Variants in CAP2 observed in about 807,000 individuals in gnomAD.
CAP2 encodes the protein adenylyl cyclase-associated protein 2.
In CAP2, 24 loss-of-function variants were observed where a neutral mutation model predicts 57.7. The ratio of observed to expected loss-of-function variants is 0.42; its 90% CI spans 0.30 to 0.58. CAP2 has a LOEUF of 0.58. Ranked by LOEUF, CAP2 falls within the 20% of genes least tolerant of loss-of-function variation. The pLI is 0.22. For missense variants in CAP2, 501 were observed against 590.3 expected, an observed-to-expected ratio of 0.85 and a Z score of 1.57; for synonymous variants, 194 against 207.2, an observed-to-expected ratio of 0.94 and a Z score of 0.55.
intron 3 of CAP2, among the ~76,000 whole-genome samples, chr6:17,427,342 G>A (rs565339476): frequency 2.0e-5 from 3 of 152,142 alleles, no homozygotes; most frequent in East Asian, 1.9e-4. Context: ...GAAGCCACCC[G>A]GGGTCACCGG....
At chr6:17,503,901 A>G (rs1325129113) in intron 4 of CAP2, among the ~76,000 whole-genome samples, 3 of 152,162 alleles carry the variant, frequency 2.0e-5, no homozygotes, top group African/African-American at 7.2e-5. Flanking sequence ...GGAGACAGGA[A>G]GATATTCATG....
At chr6:17,479,656 GGC>G (rs1229726399) in intron 4 of CAP2, among the ~76,000 whole-genome samples, 136 of 144,334 alleles carry the variant, frequency 9.4e-4, no homozygotes, top group African/African-American at 3.3e-3. Context: ...TTGTCGCCCA[GGC>G]TAGAGTGCAG....
intron 1 of CAP2, among the ~76,000 whole-genome samples, chr6:17,414,285 TAAAAA>T (rs34676962): frequency 2.0e-5 from 3 of 151,324 alleles, no homozygotes; most frequent in African/African-American, 7.3e-5. Flanking sequence ...TATTTCTTCT[TAAAAA>T]AAACACTTTA....
chr6:17,531,286 T>C (rs942986593), intron 7 of CAP2: 3 of 889,270 alleles, frequency 3.4e-6, no homozygotes, highest in Non-Finnish European at 5.6e-6. Flanking sequence ...AAGGTTCTGT[T>C]GAAGATTTGA....
chr6:17,529,533 C>T (rs1443734943), intron 7 of CAP2, among the ~76,000 whole-genome samples: 1 of 151,458 alleles, frequency 6.6e-6, no homozygotes, highest in Non-Finnish European at 1.5e-5. Context: ...CCCAGCTACT[C>T]AGGAGGCTGA....
chr6:17,401,443 A>T (rs1044666201), intron 1 of CAP2, among the ~76,000 whole-genome samples: 15 of 152,242 alleles, frequency 9.9e-5, no homozygotes, highest in African/African-American at 3.6e-4. Context: ...TAACCTGTGT[A>T]TTACCCAAAC....
At chr6:17,483,500 A>G (rs569603798) in intron 4 of CAP2, among the ~76,000 whole-genome samples, 1 of 151,510 alleles carries the variant, frequency 6.6e-6, no homozygotes, top group East Asian at 1.9e-4. Context: ...GATTAGACCA[A>G]CTCCTCAGGG....
At chr6:17,500,138 A>G (rs1761768317) in intron 4 of CAP2, among the ~76,000 whole-genome samples, 1 of 150,362 alleles carries the variant, frequency 6.7e-6, no homozygotes, top group Non-Finnish European at 1.5e-5. Context: ...AATCTCCAAA[A>G]TGTTCCTGGA....
At chr6:17,404,449 C>CA (rs903355999) in intron 1 of CAP2, among the ~76,000 whole-genome samples, 17 of 151,902 alleles carry the variant, frequency 1.1e-4, no homozygotes, top group African/African-American at 3.9e-4. Flanking sequence ...ACTGAAAATA[C>CA]AAAAAAATAG....
At chr6:17,443,864 T>C (rs7754192) in intron 3 of CAP2, among the ~76,000 whole-genome samples, 94,919 of 151,966 alleles carry the variant, frequency 0.62, 30,639 homozygotes, top group East Asian at 0.83. Context: ...AGATTTTACA[T>C]ACACACACAT....
chr6:17,427,101 T>C (rs1314600356), intron 3 of CAP2, among the ~76,000 whole-genome samples: 1 of 152,062 alleles, frequency 6.6e-6, no homozygotes, highest in East Asian at 1.9e-4. Flanking sequence ...GTATCTGAGG[T>C]GACACTGAGC....
intron 3 of CAP2, among the ~76,000 whole-genome samples, chr6:17,436,086 T>TTCCTTCCTTCCTTCCTTCCTTCCTTCC (rs1759876688): frequency 3.0e-5 from 4 of 133,996 alleles, no homozygotes; most frequent in African/African-American, 1.2e-4. Context: ...TCTTTCTTTC[T>TTCCTTCCTTCCTTCCTTCCTTCCTTCC]TTCCTTCCTT....
At chr6:17,432,957 C>G (rs929532352) in intron 3 of CAP2, among the ~76,000 whole-genome samples, 1 of 145,008 alleles carries the variant, frequency 6.9e-6, no homozygotes, top group African/African-American at 2.6e-5. Flanking sequence ...CCCTCCCTCC[C>G]TCTCTCCCCC....
At chr6:17,464,719 G>C (rs941359061) in intron 4 of CAP2, among the ~76,000 whole-genome samples, 8 of 152,212 alleles carry the variant, frequency 5.3e-5, no homozygotes, top group African/African-American at 1.9e-4. Flanking sequence ...CTAGGTAGGA[G>C]GCTCTGTAGA....
chr6:17,507,413 A>G, intron 5 of CAP2, 101 bp downstream of exon 5: 5 of 1,274,194 alleles, frequency 3.9e-6, no homozygotes, highest in Non-Finnish European at 5.5e-6. Flanking sequence ...CACTGAAGGA[A>G]GCTTCTTCCT....
intron 1 of CAP2, among the ~76,000 whole-genome samples, chr6:17,415,686 C>T (rs570165485): frequency 2.6e-5 from 4 of 152,254 alleles, no homozygotes; most frequent in East Asian, 1.9e-4. Context: ...AGCTTGCAGC[C>T]GGTCTCCTTG....
intron 3 of CAP2, among the ~76,000 whole-genome samples, chr6:17,442,317 C>A (rs1191304583): frequency 1.3e-5 from 2 of 152,326 alleles, no homozygotes; most frequent in South Asian, 2.1e-4. Context: ...GTCTTTGAAT[C>A]TGCACATGAT....
Position 17,437,433 on chromosome 6 carries a change from A to G in CAP2, c.222+10743A>G, listed in dbSNP as rs73369415. On this transcript the variant is annotated intron_variant, in intron 3 of 12. Coordinates refer to ENST00000229922, the MANE Select transcript of CAP2 (RefSeq NM_006366.3). ...ATATGCCTGTTATACTTTCATCAGCAATGGATGAGTGTGTCTGTTTCCCCA... is the reference window on the plus strand; with the variant it reads ...ATATGCCTGTTATACTTTCATCAGCGATGGATGAGTGTGTCTGTTTCCCCA... Among the ~76,000 whole-genome samples the G allele has an allele frequency of 8.4e-3, 1,286 of 152,284 alleles. 21 individuals are homozygous for G. Among genetic ancestry groups the G allele is most frequent in the African/African-American group, 0.03 (1,229 of 41,560 alleles).
intron 4 of CAP2, among the ~76,000 whole-genome samples, chr6:17,489,797 A>C (rs1761504554): frequency 6.6e-6 from 1 of 151,968 alleles, no homozygotes; most frequent in Admixed American, 6.6e-5. Flanking sequence ...TGTAGTGAGC[A>C]AAACAGATCT....
Sources: gnomAD v4.1 joint callset for allele counts (sites outside exome capture counted in the v4.1 genomes callset) on GRCh38, gnomAD v4.1.1 for gene constraint, MANE v1.5 for transcripts, NCBI Gene and HGNC (gene_info 2026-07-23, HGNC 2026-07-21) for gene names.